Variants in DICER1 observed in about 807,000 individuals in gnomAD.
DICER1 encodes endoribonuclease Dicer.
Under a neutral mutation model 194.1 loss-of-function variants are expected in DICER1, and 43 were observed. The ratio of observed to expected loss-of-function variants is 0.22; its 90% CI spans 0.17 to 0.29. The LOEUF is 0.29. Ranked by LOEUF, DICER1 falls within the 10% of genes least tolerant of loss-of-function variation. The pLI is 1.00. For synonymous variants in DICER1, 832 were observed against 820.5 expected, an observed-to-expected ratio of 1.01 and a Z score of -0.24; for missense variants, 1,608 against 2,317.0, an observed-to-expected ratio of 0.69 and a Z score of 6.28.
intron 7 of DICER1, among the ~76,000 whole-genome samples, chr14:95,125,451 TGAGA>T (rs1229111169): frequency 1.4e-5 from 2 of 145,586 alleles, no homozygotes; most frequent in East Asian, 4.0e-4. Flanking sequence ...CAACTCTAAT[TGAGA>T]GCCGAAAGTC....
At chr14:95,138,697 C>G (rs899197050) in intron 1 of DICER1, among the ~76,000 whole-genome samples, 2 of 151,772 alleles carry the variant, frequency 1.3e-5, no homozygotes, top group African/African-American at 2.4e-5. Flanking sequence ...CACCCAGCTT[C>G]TCAGTAAACT....
intron 14 of DICER1, among the ~76,000 whole-genome samples, chr14:95,109,069 ATGTG>A (rs1891719048): frequency 6.6e-6 from 1 of 152,202 alleles, no homozygotes; most frequent in Admixed American, 6.5e-5. Context: ...ATATTAGGGT[ATGTG>A]TGTATCTGTG....
rs191724990 is a variant in DICER1 at position 95,087,781 on chromosome 14, C to T, written c.*2717G>A. The T allele has an allele frequency of 2.6e-5, 6 of 233,216 alleles. No individual in the cohort carries two copies. The highest frequency in any genetic ancestry group is 1.1e-4 in the Admixed American group (2 of 17,810). The allele number at this position is 233,216 out of a possible 1,614,324, so 14.4% of individuals were successfully genotyped here. A position where few individuals can be genotyped will look rare whatever the true frequency, so the allele number is the denominator to read the frequency against. On this transcript the variant is annotated 3_prime_UTR_variant, in exon 27 of 27. Transcript: ENST00000343455. ...TTTCTGCAGTTGCTTTTTCAAGACA[C>T]GCCTCCCCAGTCCTTTACACACGTG...
intron 26 of DICER1, 141 bp downstream of exon 26, chr14:95,090,876 GGAAAAAAGAGAAGTCAA>G: frequency 1.0e-6 from 1 of 961,600 alleles, no homozygotes; most frequent in African/African-American, 1.7e-5. Flanking sequence ...AAAAACAGAA[GGAAAAAAGAGAAGTCAA>G]TCAGATTACA....
At chr14:95,116,967 G>C (rs1300432633) in intron 9 of DICER1, among the ~76,000 whole-genome samples, 1 of 152,164 alleles carries the variant, frequency 6.6e-6, no homozygotes, top group African/African-American at 2.4e-5. Flanking sequence ...ATATCTATCA[G>C]ACTGGCTCCT....
At chr14:95,145,261 T>G (rs1895058772) in intron 1 of DICER1, among the ~76,000 whole-genome samples, 1 of 152,196 alleles carries the variant, frequency 6.6e-6, no homozygotes, top group African/African-American at 2.4e-5. Flanking sequence ...GAGGAAAAGT[T>G]TTCCTCCCCT....
At chr14:95,152,549 G>A (rs1386240219) in intron 1 of DICER1, among the ~76,000 whole-genome samples, 1 of 152,106 alleles carries the variant, frequency 6.6e-6, no homozygotes, top group Non-Finnish European at 1.5e-5. Flanking sequence ...CCAAGAACAT[G>A]TAATGCTGTT....
At chr14:95,157,663 A>G (rs913254526), upstream of DICER1, 1 of 152,138 alleles carries the variant, frequency 6.6e-6, no homozygotes, top group African/African-American at 2.4e-5. Flanking sequence ...GCAGGGAGAC[A>G]GCGGGCGCGC....
rs539985511 is a variant in DICER1, at chr14:95,112,028, T to C, written c.2116+144A>G. ...AGGATCTTCAAGTTACTAACACTTA[T>C]GTTTATATTCACCAAAGCACATTAA... On this transcript the variant is annotated intron_variant, in intron 13 of 26. Transcript: ENST00000343455. The C allele has an allele frequency of 1.0e-4, 76 of 738,434 alleles. 1 individual carries two copies. The South Asian group carries it at 1.1e-3, about 10-fold the overall frequency. 45.7% of individuals were successfully genotyped at this position (738,434 alleles called of 1,614,324 possible).
intron 8 of DICER1, among the ~76,000 whole-genome samples, chr14:95,121,329 A>G (rs73331512): frequency 0.033 from 5,075 of 152,256 alleles, 311 homozygotes; most frequent in African/African-American, 0.12. Context: ...AATAAAAATA[A>G]ATTTTTTGAA....
chr14:95,087,688 A>G lies in DICER1; in HGVS notation c.*2810T>C. On this transcript the variant is annotated 3_prime_UTR_variant, in exon 27 of 27. Transcript: ENST00000343455. Reference sequence around the variant, plus strand: ...TAGGACTGCGGAAAGCATATTATAAAAGAAATTTTAAAAAATTTACAAATG... The same window carrying G: ...TAGGACTGCGGAAAGCATATTATAAGAGAAATTTTAAAAAATTTACAAATG... 4.3e-6 allele frequency: 1 copy of G among 233,296 alleles called. No homozygotes were observed. The highest frequency in any genetic ancestry group is 8.5e-6 in the Non-Finnish European group (1 of 118,042). 14.5% of individuals were successfully genotyped at this position (233,296 alleles called of 1,614,324 possible).
At position 95,096,538 on chromosome 14, in the gene DICER1, C is replaced by G. The variant is rs2139851817; in HGVS notation, c.4382G>C (p.Gly1461Ala). Reference sequence around the variant, plus strand: ...AAGAGAGATTTTCTTTACAAAAGCTCCTGACCCCATTAACATATTATCTAT... The same window carrying G: ...AAGAGAGATTTTCTTTACAAAAGCTGCTGACCCCATTAACATATTATCTAT... ...RFIDNMLMGS[G>A]AFVKKISLSP... is the part of the protein sequence containing the mutation. Residue 1461 changes from glycine to alanine, a missense_variant, in exon 23 of 27, where the codon GGA becomes GCA. By Grantham distance (60) the Gly-to-Ala change is moderately conservative. Coordinates refer to ENST00000343455, the MANE Select transcript of DICER1 (RefSeq NM_177438.3). The G allele has an allele frequency of 6.2e-7, 1 of 1,613,970 alleles. No individual in the cohort carries two copies.
At position 95,087,932 on chromosome 14, in the gene DICER1, T is replaced by TC. The variant is rs1889471083; in HGVS notation, c.*2565dup. 8.6e-6 allele frequency: 2 copies of TC among 233,034 alleles called. No individual in the cohort carries two copies. The highest frequency in any genetic ancestry group is 4.4e-5 in the African/African-American group (2 of 45,410). 14.4% of individuals were successfully genotyped at this position (233,034 alleles called of 1,614,324 possible). ...GGGCAACATAGAGTGATTTTTTTTT[T>TC]CCTTAATTGACAGATGCAAAACATT... On this transcript the variant is annotated 3_prime_UTR_variant, in exon 27 of 27. Coordinates refer to ENST00000343455, the MANE Select transcript of DICER1 (RefSeq NM_177438.3).
chr14:95,106,908 T>TA (rs1891473696), intron 17 of DICER1, among the ~76,000 whole-genome samples: 1 of 152,232 alleles, frequency 6.6e-6, no homozygotes, highest in South Asian at 2.1e-4. Flanking sequence ...ATGGAGATTT[T>TA]AAGAAGAAAG....
Position 95,095,958 on chromosome 14 carries a change from A to G in DICER1, c.4962T>C (p.Asp1654=). 1 of 1,614,236 alleles carries G rather than the reference A, an allele frequency of 6.2e-7. No individual in the cohort carries two copies. The highest frequency in any genetic ancestry group is 8.5e-7 in the Non-Finnish European group (1 of 1,180,036). Residue 1654 remains aspartate (D), a synonymous_variant, in exon 23 of 27, where the codon GAT becomes GAC. Coordinates refer to ENST00000343455, the MANE Select transcript of DICER1 (RefSeq NM_177438.3). Reference sequence around the variant, plus strand: ...TAAGGTGATTCAGTGTTTTATCTGCATCTGGATGATCAAACATACATCTTG... The same window carrying G: ...TAAGGTGATTCAGTGTTTTATCTGCGTCTGGATGATCAAACATACATCTTG... The part of the protein sequence containing the change: ...IPPRCMFDHP[D]ADKTLNHLIS...
In DICER1 at chr14:95,086,682, T is replaced by C. The variant is rs765598296; in HGVS notation, c.*3816A>G. The C allele has an allele frequency of 1.6e-4, 37 of 233,126 alleles. No individual in the cohort carries two copies. Among genetic ancestry groups the C allele is most frequent in the Non-Finnish European group, 2.7e-4 (32 of 117,854 alleles). The allele number at this position is 233,126 out of a possible 1,614,324, so 14.4% of individuals were successfully genotyped here. A position where few individuals can be genotyped will look rare whatever the true frequency, so the allele number is the denominator to read the frequency against. On this transcript the variant is annotated 3_prime_UTR_variant, in exon 27 of 27. Coordinates refer to ENST00000343455, the MANE Select transcript of DICER1 (RefSeq NM_177438.3). The stretch of plus-strand genomic sequence containing the variant: ...TCACTGCTAGTGGAAAATACAATGG[T>C]CTCAATGCAAATTTCCTAGATATTG...
At chr14:95,125,663 GGGGGGAGGAGGGAGGGGACAGGGA>G (rs1453536909) in intron 7 of DICER1, among the ~76,000 whole-genome samples, 1 of 38,074 alleles carries the variant, frequency 2.6e-5, no homozygotes, top group Admixed American at 2.0e-4. Context: ...AGGCAGAGAT[GGGGGGAGGAGGGAGGGGACAGGGA>G]GGGGGAGGAG....
At chr14:95,134,081 G>A (rs560214249) in intron 1 of DICER1, among the ~76,000 whole-genome samples, 1 of 152,270 alleles carries the variant, frequency 6.6e-6, no homozygotes, top group African/African-American at 2.4e-5. Flanking sequence ...CACTGTGCCT[G>A]CACCACGAAA....
intron 9 of DICER1, 131 bp from the exon 10 acceptor site, chr14:95,116,826 C>A: frequency 1.1e-6 from 1 of 925,790 alleles, no homozygotes; most frequent in East Asian, 2.4e-5. Flanking sequence ...ATCCTTAAGG[C>A]CAGGCTAAAG....
Sources: gnomAD v4.1 joint callset for allele counts (sites outside exome capture counted in the v4.1 genomes callset) on GRCh38, gnomAD v4.1.1 for gene constraint, MANE v1.5 for transcripts, NCBI Gene and HGNC (gene_info 2026-07-23, HGNC 2026-07-21) for gene names.